DUSP16: variants seen among roughly 807,000 people sequenced by gnomAD.
DUSP16 encodes dual specificity phosphatase 16.
A neutral mutation model predicts 58.3 loss-of-function variants in DUSP16; 21 were observed. That is an observed-to-expected ratio of 0.36 (90% confidence interval 0.26 to 0.52). DUSP16 has a LOEUF of 0.52. Ranked by LOEUF, DUSP16 falls within the 20% of genes least tolerant of loss-of-function variation. The probability of loss-of-function intolerance (pLI) is 0.94; values close to 1 mark genes in which losing one functional copy is unlikely to be tolerated. For missense variants in DUSP16, 726 were observed against 819.0 expected (o/e 0.89, Z 1.39); for synonymous variants, 320 against 323.8 (o/e 0.99, Z 0.12).
At chr12:12,558,386 G>GTTT (rs139098397) in intron 1 of DUSP16, among the ~76,000 whole-genome samples, 14 of 143,424 alleles carry the variant, frequency 9.8e-5, no homozygotes, top group African/African-American at 3.4e-4. Context: ...AAGATTATAT[G>GTTT]TTTTTTTTTT....
chr12:12,545,846 T>G (rs560881404), intron 1 of DUSP16, among the ~76,000 whole-genome samples: 1 of 152,182 alleles, frequency 6.6e-6, no homozygotes, highest in African/African-American at 2.4e-5. Flanking sequence ...CAAAACTATA[T>G]GACAGCTTCA....
At chr12:12,554,761 A>G (rs1944784291) in intron 1 of DUSP16, 1 of 152,186 alleles carries the variant, frequency 6.6e-6, no homozygotes, top group Non-Finnish European at 1.5e-5. Context: ...ACTATTAAAT[A>G]TCACCTAATA....
intron 1 of DUSP16, among the ~76,000 whole-genome samples, chr12:12,540,369 T>C (rs771386475): frequency 6.6e-6 from 1 of 152,096 alleles, no homozygotes; most frequent in African/African-American, 2.4e-5. Context: ...TTTTTAAAGA[T>C]GGTATTTAAC....
At position 12,532,050 on chromosome 12, in the gene DUSP16, C is replaced by T. The variant is rs538606100; in HGVS notation, c.-365-10587G>A. ...GCGGGCGCCTGTGGTCCCAGCTACT[C>T]GGGAGGCTGAGGCAGGAGAATGGCG... On this transcript the variant is annotated intron_variant, in intron 1 of 6. Transcript: ENST00000298573. 1.8e-4 allele frequency among the ~76,000 whole-genome samples: 27 copies of T among 151,956 alleles called. 1 individual carries two copies. Among genetic ancestry groups the T allele is most frequent in the African/African-American group, 5.8e-4 (24 of 41,472 alleles).
chr12:12,520,993 CCA>C lies in DUSP16; in HGVS notation c.104_105del (p.Val35GlyfsTer12). 1 of 1,614,230 alleles carries C rather than the reference CCA, an allele frequency of 6.2e-7. No homozygotes were observed. The highest frequency in any genetic ancestry group is 8.5e-7 in the Non-Finnish European group (1 of 1,180,044). ...TCCAAAATGTGGGATGTATTGTATT[CCA>C]CAAATGGCCGGCTATCAATTAGCAG... is the stretch of plus-strand genomic sequence containing the variant. ...KVLLIDSRPF[V>X]EYNTSHILEA... On this transcript the variant is annotated frameshift_variant, in exon 2 of 7. Transcript: ENST00000298573. LOFTEE classifies it high-confidence loss of function.
intron 1 of DUSP16, among the ~76,000 whole-genome samples, chr12:12,530,791 A>G (rs149903614): frequency 0.015 from 2,256 of 152,296 alleles, 57 homozygotes; most frequent in African/African-American, 0.051. Flanking sequence ...TTAGTTTTAC[A>G]ACATGGAATG....
chr12:12,502,914 C>G (rs949161860), intron 3 of DUSP16, among the ~76,000 whole-genome samples: 1 of 152,168 alleles, frequency 6.6e-6, no homozygotes. Flanking sequence ...CACCCTCACA[C>G]CGCCCCATGC....
intron 3 of DUSP16, among the ~76,000 whole-genome samples, chr12:12,515,017 C>T (rs958934707): frequency 1.3e-5 from 2 of 152,052 alleles, no homozygotes; most frequent in Non-Finnish European, 2.9e-5. Context: ...GTCTTCTCTA[C>T]GTTTATGACT....
rs744170 is a variant in DUSP16, at chr12:12,474,724, C to G, written c.*2109G>C. On this transcript the variant is annotated 3_prime_UTR_variant, in exon 7 of 7. Transcript: ENST00000298573. The stretch of plus-strand genomic sequence containing the variant: ...TGACAGAAGCTCATTAAAACCAAGT[C>G]CCCCAAACCTCCTGAAACATCGTTA... 95,155 of 152,074 alleles carry G rather than the reference C, an allele frequency of 0.63. 30,079 individuals are homozygous for G. The highest frequency in any genetic ancestry group is 0.66 in the African/African-American group (27,387 of 41,470). The allele number at this position is 152,074 out of a possible 1,614,324, so 9.4% of individuals were successfully genotyped here.
chr12:12,502,204 G>A (rs1943920296), intron 3 of DUSP16, among the ~76,000 whole-genome samples: 1 of 152,076 alleles, frequency 6.6e-6, no homozygotes, highest in Non-Finnish European at 1.5e-5. Flanking sequence ...AGTTGAGAGG[G>A]AATCATCTTT....
chr12:12,479,994 A>G, intron 6 of DUSP16, among the ~76,000 whole-genome samples: 1 of 152,238 alleles, frequency 6.6e-6, no homozygotes. Context: ...CTTAAACATA[A>G]AAAGTGGCTG....
chr12:12,514,872 A>G (rs887853044), intron 3 of DUSP16, among the ~76,000 whole-genome samples: 5 of 152,068 alleles, frequency 3.3e-5, no homozygotes, highest in African/African-American at 1.2e-4. Flanking sequence ...TTGGCCAGGC[A>G]GGTCTCAAAC....
intron 1 of DUSP16, among the ~76,000 whole-genome samples, chr12:12,530,009 C>G (rs1191498237): frequency 2.0e-5 from 3 of 152,166 alleles, no homozygotes; most frequent in African/African-American, 7.2e-5. Context: ...GGTATGCAAA[C>G]ATCTCATTTT....
intron 1 of DUSP16, among the ~76,000 whole-genome samples, chr12:12,532,195 G>A (rs1185929434): frequency 2.0e-5 from 3 of 152,078 alleles, no homozygotes; most frequent in African/African-American, 4.8e-5. Flanking sequence ...TGACTTACAA[G>A]AAAGTGCTTT....
chr12:12,548,194 TGGGCAAA>T (rs151052108), intron 1 of DUSP16, among the ~76,000 whole-genome samples: 14,365 of 152,172 alleles, frequency 0.094, 1,326 homozygotes, highest in East Asian at 0.24. Flanking sequence ...AATTTTTAAA[TGGGCAAA>T]GGACTGGAAT....
At chr12:12,545,214 T>A (rs1254659561) in intron 1 of DUSP16, among the ~76,000 whole-genome samples, 1 of 152,184 alleles carries the variant, frequency 6.6e-6, no homozygotes, top group African/African-American at 2.4e-5. Flanking sequence ...TACTGTTATA[T>A]AGAAATATAG....
intron 1 of DUSP16, among the ~76,000 whole-genome samples, chr12:12,523,078 CA>C (rs1944258401): frequency 1.3e-5 from 2 of 152,250 alleles, no homozygotes; most frequent in East Asian, 3.9e-4. Context: ...TTTGTACTTA[CA>C]AATTAGAAGC....
In DUSP16 at chr12:12,497,667, TA is replaced by T. The variant is rs58191075; in HGVS notation, c.531+2851del. Among the ~76,000 whole-genome samples the T allele has an allele frequency of 3.9e-3, 563 of 145,290 alleles. 1 individual carries two copies. The highest frequency in any genetic ancestry group is 3.5e-3 in the Middle Eastern group (1 of 286). ...TAACATATTTTGGTGGCACTTCATT[TA>T]AAAAAAAAAAAAAGACTAATAGGCC... On this transcript the variant is annotated intron_variant, in intron 4 of 6. Transcript: ENST00000298573.
chr12:12,534,083 T>C lies in DUSP16; in HGVS notation c.-365-12620A>G, dbSNP rs572336046. ...TTTGTGACAGGGGATTTTCAAGGCT[T>C]GCTCTGAGCAACTATTTCCACTTCT... On this transcript the variant is annotated intron_variant, in intron 1 of 6. Coordinates refer to ENST00000298573, the MANE Select transcript of DUSP16 (RefSeq NM_030640.3). Among the ~76,000 whole-genome samples the C allele has an allele frequency of 2.6e-5, 4 of 152,314 alleles. No homozygotes were observed. The East Asian group carries it at 7.7e-4, about 29-fold the overall frequency.
Sources: gnomAD v4.1 joint callset for allele counts (sites outside exome capture counted in the v4.1 genomes callset) on GRCh38, gnomAD v4.1.1 for gene constraint, MANE v1.5 for transcripts, NCBI Gene and HGNC (gene_info 2026-07-23, HGNC 2026-07-21) for gene names.